The following ZNF813 variants were observed in gnomAD, a reference collection of about 807,000 sequenced individuals.
The protein encoded by ZNF813 is zinc finger protein 813.
In ZNF813, 3 loss-of-function variants were observed where a neutral mutation model predicts 7.2. The observed-to-expected ratio is 0.42, with a 90% CI of 0.19 to 1.08. The LOEUF (loss-of-function observed/expected upper bound fraction) is 1.08, where lower values mean the gene tolerates loss of function less well. Among genes scored for constraint, ZNF813 ranks in the 50% least tolerant of loss-of-function variants. ZNF813 has a pLI of 0.30. For synonymous variants in ZNF813, 227 were observed against 256.3 expected (o/e 0.89, Z 1.09); for missense variants, 714 against 753.3 (o/e 0.95, Z 0.61).
chr19:53,491,553 T>TA lies in ZNF813; in HGVS notation c.1321_1322insA (p.Cys441Ter). 1 of 1,613,372 alleles carries TA rather than the reference T, an allele frequency of 6.2e-7. No individual in the cohort carries two copies. ...RLHSGEKPYK[C>*]TECVKTFSRN... ...TCATAGTGGAGAGAAACCCTACAAGTGTACTGAGTGTGTCAAGACGTTCAG... is the reference window on the plus strand; with the variant it reads ...TCATAGTGGAGAGAAACCCTACAAGTAGTACTGAGTGTGTCAAGACGTTCAG... The change falls in exon 4 of 4, where the codon TGT becomes TAGT. Residue 441 changes from cysteine (C) to a stop codon, truncating the protein, a stop_gained and frameshift_variant. Transcript: ENST00000396403. LOFTEE classifies it low-confidence loss of function (END_TRUNC).
rs866461422 is a variant in ZNF813, at chr19:53,493,009, A to C, written c.*923A>C. 7.0e-6 allele frequency: 3 copies of C among 425,756 alleles called. No individual in the cohort carries two copies. The highest frequency in any genetic ancestry group is 2.1e-5 in the African/African-American group (1 of 48,482). 26.4% of individuals were successfully genotyped at this position (425,756 alleles called of 1,614,324 possible). A position where few individuals can be genotyped will look rare whatever the true frequency, so the allele number is the denominator to read the frequency against. The stretch of plus-strand genomic sequence containing the variant: ...TCAGTCTGACTTCACTCCTTGCAGA[A>C]TATCAGAAAATTCATTTTGAGATAA... On this transcript the variant is annotated 3_prime_UTR_variant, in exon 4 of 4. Transcript: ENST00000396403.
chr19:53,491,134 G>A lies in ZNF813; in HGVS notation c.902G>A (p.Cys301Tyr), dbSNP rs767349937. The A allele has an allele frequency of 1.2e-6, 2 of 1,614,038 alleles. No individual in the cohort carries two copies. The highest frequency in any genetic ancestry group is 2.2e-5 in the South Asian group (2 of 91,072). The part of the protein sequence containing the change: ...RLHTGEKPYK[C>Y]EECDKAFSFK... ...CATACTGGAGAGAAACCTTACAAAT[G>A]TGAAGAATGTGACAAAGCTTTCAGT... Residue 301 changes from cysteine (C) to tyrosine (Y), a missense_variant, in exon 4 of 4, where the codon TGT (cysteine) becomes TAT (tyrosine). By Grantham distance (194) the Cys-to-Tyr change is radical. Transcript: ENST00000396403.
chr19:53,492,021 C>T lies in ZNF813; in HGVS notation c.1789C>T (p.His597Tyr), dbSNP rs2086466355. The change falls in exon 4 of 4, where the codon CAT (histidine) becomes TAT (tyrosine). Residue 597 changes from histidine (H) to tyrosine (Y), a missense_variant. His to Tyr is a moderately conservative substitution (Grantham distance 83, BLOSUM62 2). This residue lies in a region of ZNF813 where 122 missense variants were observed against 146.8 expected (regional missense o/e 0.83). Transcript: ENST00000396403. ...VFNQKANLAR[H>Y]HRLHTGEKPY... ...TAATCAAAAAGCAAACCTTGCACGT[C>T]ATCATAGACTTCATACTGGAGAGAA... 6.2e-7 allele frequency: 1 copy of T among 1,613,934 alleles called. No homozygotes were observed. The highest frequency in any genetic ancestry group is 1.7e-5 in the Admixed American group (1 of 59,988).
chr19:53,468,887 C>T (rs1226896895), intron 1 of ZNF813, among the ~76,000 whole-genome samples: 11 of 152,064 alleles, frequency 7.2e-5, no homozygotes, highest in East Asian at 1.9e-4. Flanking sequence ...TTCACTACTC[C>T]TCCTCAGCAC....
At chr19:53,488,405 C>G (rs1260679302) in intron 3 of ZNF813, 1 of 257,644 alleles carries the variant, frequency 3.9e-6, no homozygotes, top group African/African-American at 2.4e-5. Context: ...CTTTCATTTC[C>G]TTTTTTTTCT....
intron 3 of ZNF813, chr19:53,488,064 G>A (rs1249815780): frequency 5.0e-6 from 1 of 200,384 alleles, no homozygotes; most frequent in Non-Finnish European, 1.1e-5. Flanking sequence ...TGTTCTTGTC[G>A]CCCATGCTGG....
chr19:53,482,835 G>C (rs1360425840), intron 1 of ZNF813, among the ~76,000 whole-genome samples: 1 of 141,830 alleles, frequency 7.1e-6, no homozygotes, highest in African/African-American at 2.6e-5. Flanking sequence ...AGTGATTCTT[G>C]TGCCTCAGCC....
At chr19:53,479,098 C>T (rs544524405) in intron 1 of ZNF813, among the ~76,000 whole-genome samples, 1 of 152,134 alleles carries the variant, frequency 6.6e-6, no homozygotes, top group African/African-American at 2.4e-5. Context: ...CCACACCAGG[C>T]CAATTTTTGT....
rs1051929294 is a variant in ZNF813, at chr19:53,495,801, AT to A, written c.*3716del. The A allele has an allele frequency of 2.1e-5, 3 of 146,326 alleles. No homozygotes were observed. The highest frequency in any genetic ancestry group is 5.7e-5 in the African/African-American group (2 of 34,822). 9.1% of individuals were successfully genotyped at this position (146,326 alleles called of 1,614,324 possible). On this transcript the variant is annotated 3_prime_UTR_variant, in exon 4 of 4. Coordinates refer to ENST00000396403, the MANE Select transcript of ZNF813 (RefSeq NM_001004301.4). ...GAGCAAAACTTTGTCTCAAAAAAAA[AT>A]AAATAAATAAAAAATAAAATATGTC...
At chr19:53,479,222 A>G in intron 1 of ZNF813, 1 of 923,260 alleles carries the variant, frequency 1.1e-6, no homozygotes, top group South Asian at 1.5e-5. Flanking sequence ...GGTGTGAGCA[A>G]CCACGCCCAG....
chr19:53,469,930 A>G (rs889936453), intron 1 of ZNF813, among the ~76,000 whole-genome samples: 1 of 151,684 alleles, frequency 6.6e-6, no homozygotes, highest in African/African-American at 2.4e-5. Context: ...TAAGGTACGC[A>G]CCGGCTCAGT....
chr19:53,490,171 T>G (rs1188807772), intron 3 of ZNF813, among the ~76,000 whole-genome samples: 1 of 152,238 alleles, frequency 6.6e-6, no homozygotes, highest in Non-Finnish European at 1.5e-5. Flanking sequence ...GTCGTGATAT[T>G]GGAAATAGGG....
chr19:53,496,096 C>T lies in ZNF813; in HGVS notation c.*4010C>T. Reference sequence around the variant, plus strand: ...CTGTGTGAGCATTACAATCGCGTTACCATATCAAGCTGAAAATGTCACCAC... The same window carrying T: ...CTGTGTGAGCATTACAATCGCGTTATCATATCAAGCTGAAAATGTCACCAC... On this transcript the variant is annotated 3_prime_UTR_variant, in exon 4 of 4. Coordinates refer to ENST00000396403, the MANE Select transcript of ZNF813 (RefSeq NM_001004301.4). 1 of 250,730 alleles carries T rather than the reference C, an allele frequency of 4.0e-6. No homozygotes were observed. Among genetic ancestry groups the T allele is most frequent in the Non-Finnish European group, 8.2e-6 (1 of 122,466 alleles). 15.5% of individuals were successfully genotyped at this position (250,730 alleles called of 1,614,324 possible).
At position 53,491,559 on chromosome 19, in the gene ZNF813, G is replaced by A. The variant is rs2086462446; in HGVS notation, c.1327G>A (p.Glu443Lys). 1 of 1,613,480 alleles carries A rather than the reference G, an allele frequency of 6.2e-7. No homozygotes were observed. The highest frequency in any genetic ancestry group is 1.1e-5 in the South Asian group (1 of 91,038). The change falls in exon 4 of 4, where the codon GAG (glutamate) becomes AAG (lysine). Residue 443 changes from glutamate to lysine, a missense_variant. By Grantham distance (56) the Glu-to-Lys change is moderately conservative. Around this residue, in one of 3 missense-constraint regions of ZNF813, gnomAD observed 563 missense variants for 554.2 expected, o/e 1.02. Coordinates refer to ENST00000396403, the MANE Select transcript of ZNF813 (RefSeq NM_001004301.4). ...TGGAGAGAAACCCTACAAGTGTACT[G>A]AGTGTGTCAAGACGTTCAGTCGAAA... The part of the protein sequence containing the change: ...HSGEKPYKCT[E>K]CVKTFSRNSA...
chr19:53,485,602 A>G (rs1431823798), intron 2 of ZNF813, among the ~76,000 whole-genome samples: 1 of 150,290 alleles, frequency 6.7e-6, no homozygotes, highest in African/African-American at 2.5e-5. Flanking sequence ...ATGTCATGAT[A>G]TATATCGTGA....
rs1600117420 is a variant in ZNF813 at position 53,493,994 on chromosome 19, T to A, written c.*1908T>A. 1 of 152,458 alleles carries A rather than the reference T, an allele frequency of 6.6e-6. No individual in the cohort carries two copies. Among genetic ancestry groups the A allele is most frequent in the East Asian group, 1.9e-4 (1 of 5,180 alleles). The allele number at this position is 152,458 out of a possible 1,614,324, so 9.4% of individuals were successfully genotyped here. Reference sequence around the variant, plus strand: ...TTTTGTTCAGAATTTCTATGATGAGTGGATTTTGAATTTTGTGAAATACTT... The same window carrying A: ...TTTTGTTCAGAATTTCTATGATGAGAGGATTTTGAATTTTGTGAAATACTT... On this transcript the variant is annotated 3_prime_UTR_variant, in exon 4 of 4. Coordinates refer to ENST00000396403, the MANE Select transcript of ZNF813 (RefSeq NM_001004301.4).
intron 1 of ZNF813, among the ~76,000 whole-genome samples, chr19:53,480,381 A>C (rs2086402596): frequency 6.7e-6 from 1 of 148,792 alleles, no homozygotes; most frequent in Non-Finnish European, 1.5e-5. Context: ...AAAAAAAAAA[A>C]CATAATTACT....
intron 1 of ZNF813, among the ~76,000 whole-genome samples, chr19:53,470,676 G>T (rs2086354307): frequency 7.1e-6 from 1 of 141,750 alleles, no homozygotes; most frequent in South Asian, 2.2e-4. Flanking sequence ...CGCTAAAGAG[G>T]GACTCAGGAG....
chr19:53,484,362 A>G (rs1460912353), intron 2 of ZNF813, among the ~76,000 whole-genome samples: 1 of 152,198 alleles, frequency 6.6e-6, no homozygotes, highest in Non-Finnish European at 1.5e-5. Context: ...AAGTTCATAC[A>G]GACATGAATG....
Sources: allele counts gnomAD v4.1 joint callset (sites outside exome capture counted in the v4.1 genomes callset), GRCh38; gene constraint gnomAD v4.1.1; regional missense constraint gnomAD v4.1.1; transcripts MANE v1.5; gene names NCBI Gene and HGNC (gene_info 2026-07-23, HGNC 2026-07-21).